The following CDC40 variants were observed in gnomAD, a reference collection of about 807,000 sequenced individuals.
The protein encoded by CDC40 is pre-mRNA-processing factor 17.
CDC40 carries 27 observed loss-of-function variants against 80.6 expected under a neutral mutation model. That is an observed-to-expected ratio of 0.33 (90% CI 0.25 to 0.46). The LOEUF is 0.46. Among genes scored for constraint, CDC40 ranks in the 20% least tolerant of loss-of-function variants. The probability of loss-of-function intolerance (pLI) is 1.00; values close to 1 mark genes in which losing one functional copy is unlikely to be tolerated. For synonymous variants in CDC40, 221 were observed against 232.6 expected (o/e 0.95, Z 0.45); for missense variants, 486 against 694.1 (o/e 0.70, Z 3.37).
At chr6:110,211,170 T>A (rs1303481688) in intron 6 of CDC40, 1 of 152,706 alleles carries the variant, frequency 6.5e-6, no homozygotes, top group East Asian at 1.9e-4. Context: ...TGAAGCCAAA[T>A]ACTCAGGTAT....
intron 3 of CDC40, among the ~76,000 whole-genome samples, chr6:110,204,170 C>T (rs186870991): frequency 9.9e-5 from 15 of 152,090 alleles, no homozygotes; most frequent in African/African-American, 2.9e-4. Context: ...CCCGCCACCA[C>T]GCCTGGCTAA....
intron 1 of CDC40, among the ~76,000 whole-genome samples, chr6:110,181,651 C>T (rs1211429579): frequency 6.6e-6 from 1 of 152,196 alleles, no homozygotes; most frequent in Non-Finnish European, 1.5e-5. Context: ...CAAACTTAAG[C>T]CCCTCCAGTA....
At chr6:110,226,011 T>C (rs572317389) in intron 12 of CDC40, among the ~76,000 whole-genome samples, 156 bp from the exon 13 acceptor site, 2 of 152,370 alleles carry the variant, frequency 1.3e-5, no homozygotes, top group East Asian at 3.9e-4. Context: ...TGTCATCTTG[T>C]GATTTTTCTT....
At chr6:110,222,344 G>A (rs2114671633) in intron 12 of CDC40, among the ~76,000 whole-genome samples, 1 of 152,216 alleles carries the variant, frequency 6.6e-6, no homozygotes, top group Admixed American at 6.5e-5. Flanking sequence ...GGATCACGAA[G>A]TCAGGAGTTC....
intron 14 of CDC40, 87 bp from the exon 15 acceptor site, chr6:110,229,867 C>A: frequency 1.3e-6 from 1 of 757,388 alleles, no homozygotes; most frequent in Non-Finnish European, 2.2e-6. Context: ...TTAATGTTAA[C>A]GTGAAAAGAT....
intron 1 of CDC40, among the ~76,000 whole-genome samples, chr6:110,187,955 T>G (rs965985939): frequency 6.6e-6 from 1 of 152,230 alleles, no homozygotes; most frequent in African/African-American, 2.4e-5. Flanking sequence ...GTTGTGGTAT[T>G]GTCCAAGTTT....
rs1777945707 is a variant in CDC40 at position 110,232,063 on chromosome 6, A to G, written c.*1932A>G. The G allele has an allele frequency of 6.6e-6, 1 of 150,790 alleles. No individual in the cohort carries two copies. The highest frequency in any genetic ancestry group is 1.5e-5 in the Non-Finnish European group (1 of 67,736). The allele number at this position is 150,790 out of a possible 1,614,324, so 9.3% of individuals were successfully genotyped here. ...AGGGACAAAAAGAATCATACATTTA[A>G]ACTGTCTTGTTCAGCATACCAATAT... is the stretch of plus-strand genomic sequence containing the variant. On this transcript the variant is annotated 3_prime_UTR_variant, in exon 15 of 15. Coordinates refer to ENST00000307731, the MANE Select transcript of CDC40 (RefSeq NM_015891.3).
At chr6:110,201,359 C>G (rs942045965) in intron 2 of CDC40, among the ~76,000 whole-genome samples, 199 bp from the exon 3 acceptor site, 1 of 152,160 alleles carries the variant, frequency 6.6e-6, no homozygotes, top group African/African-American at 2.4e-5. Context: ...AGGGGTTCCT[C>G]TCCTTCTGTC....
intron 13 of CDC40, among the ~76,000 whole-genome samples, chr6:110,227,056 A>G (rs1452176937): frequency 6.6e-6 from 1 of 152,098 alleles, no homozygotes; most frequent in Non-Finnish European, 1.5e-5. Context: ...CTTTCAGGGG[A>G]TAGGAAGTTT....
chr6:110,203,814 G>A (rs969729819), intron 3 of CDC40, among the ~76,000 whole-genome samples: 7 of 151,982 alleles, frequency 4.6e-5, no homozygotes, highest in African/African-American at 1.2e-4. Context: ...TGTGAATTTT[G>A]TCCTGTTTTC....
intron 9 of CDC40, 26 bp downstream of exon 9, chr6:110,215,357 A>G: frequency 1.3e-6 from 2 of 1,587,004 alleles, no homozygotes; most frequent in Non-Finnish European, 1.7e-6. Context: ...TCTCCAACAT[A>G]AATCTGGGAA....
chr6:110,191,963 T>G (rs1777354485), intron 1 of CDC40, among the ~76,000 whole-genome samples: 1 of 152,190 alleles, frequency 6.6e-6, no homozygotes, highest in African/African-American at 2.4e-5. Flanking sequence ...ATCAAATATG[T>G]TTTTAATAGT....
intron 13 of CDC40, among the ~76,000 whole-genome samples, chr6:110,226,723 T>G (rs1478353151): frequency 1.3e-5 from 2 of 152,044 alleles, no homozygotes; most frequent in Non-Finnish European, 2.9e-5. Flanking sequence ...AGAGTTTTCT[T>G]TTCTAATTCT....
At chr6:110,188,221 TAA>T (rs1389271601) in intron 1 of CDC40, among the ~76,000 whole-genome samples, 1 of 152,218 alleles carries the variant, frequency 6.6e-6, no homozygotes, top group Non-Finnish European at 1.5e-5. Flanking sequence ...TCCCATATTA[TAA>T]AGTGGTTCTA....
Position 110,230,135 on chromosome 6 carries a change from G to C in CDC40, c.*4G>C. On this transcript the variant is annotated 3_prime_UTR_variant, in exon 15 of 15. Coordinates refer to ENST00000307731, the MANE Select transcript of CDC40 (RefSeq NM_015891.3). Reference sequence around the variant, plus strand: ...TCTCATTAAATTGTGGGATTAATGAGATTAATCCTTAAACTAGCTGGGATC... The same window carrying C: ...TCTCATTAAATTGTGGGATTAATGACATTAATCCTTAAACTAGCTGGGATC... 1 of 1,576,016 alleles carries C rather than the reference G, an allele frequency of 6.3e-7. No individual in the cohort carries two copies. Among genetic ancestry groups the C allele is most frequent in the Non-Finnish European group, 8.7e-7 (1 of 1,147,538 alleles).
chr6:110,194,567 G>A (rs1027412915), intron 2 of CDC40, among the ~76,000 whole-genome samples: 6 of 152,124 alleles, frequency 3.9e-5, no homozygotes, highest in East Asian at 3.9e-4. Flanking sequence ...CTGACACGAC[G>A]GCACATTTTA....
intron 3 of CDC40, among the ~76,000 whole-genome samples, chr6:110,204,912 C>T (rs1369890366): frequency 6.6e-6 from 1 of 152,120 alleles, no homozygotes; most frequent in Non-Finnish European, 1.5e-5. Flanking sequence ...AGTAATCTGC[C>T]TTCCTTGGCC....
chr6:110,208,935 A>G, intron 4 of CDC40, 149 bp from the exon 5 acceptor site: 1 of 588,270 alleles, frequency 1.7e-6, no homozygotes, highest in Non-Finnish European at 2.9e-6. Flanking sequence ...ATTCATGTAG[A>G]TTGTTTTTTA....
chr6:110,192,544 A>G (rs982661622), intron 1 of CDC40, among the ~76,000 whole-genome samples: 8 of 152,208 alleles, frequency 5.3e-5, no homozygotes, highest in African/African-American at 1.9e-4. Flanking sequence ...GGTTGGATAT[A>G]CAAGTCTCTA....
Sources: allele counts gnomAD v4.1 joint callset (sites outside exome capture counted in the v4.1 genomes callset), GRCh38; gene constraint gnomAD v4.1.1; transcripts MANE v1.5; gene names NCBI Gene and HGNC (gene_info 2026-07-23, HGNC 2026-07-21).